SUPT3H: variants seen among roughly 807,000 people sequenced by gnomAD.
The protein encoded by SUPT3H is SPT3 homolog, SAGA and STAGA complex component.
Under a neutral mutation model 44.3 loss-of-function variants are expected in SUPT3H, and 44 were observed. The observed-to-expected ratio is 0.99, with a 90% CI of 0.78 to 1.28. SUPT3H has a LOEUF of 1.28. Among genes scored for constraint, SUPT3H ranks in the 50% most tolerant of loss-of-function variants. The pLI, the probability that SUPT3H is intolerant of heterozygous loss-of-function variation, is 0.00. For synonymous variants in SUPT3H, 124 were observed against 125.6 expected, an observed-to-expected ratio of 0.99 and a Z score of 0.09; for missense variants, 380 against 387.1, an observed-to-expected ratio of 0.98 and a Z score of 0.15.
At chr6:45,351,957 TTC>T (rs1581813364) in intron 2 of SUPT3H, among the ~76,000 whole-genome samples, 1 of 152,092 alleles carries the variant, frequency 6.6e-6, no homozygotes, top group Non-Finnish European at 1.5e-5. Flanking sequence ...CTAATTAGCT[TTC>T]TGTCCCTAAT....
intron 2 of SUPT3H, among the ~76,000 whole-genome samples, chr6:45,272,822 CAG>C (rs1171295658): frequency 3.3e-5 from 5 of 152,118 alleles, no homozygotes; most frequent in African/African-American, 7.2e-5. Flanking sequence ...TTTGGCCCTC[CAG>C]AAAGTCAACA....
intron 2 of SUPT3H, among the ~76,000 whole-genome samples, chr6:45,333,403 C>T (rs1156460856): frequency 6.6e-6 from 1 of 151,496 alleles, no homozygotes; most frequent in Non-Finnish European, 1.5e-5. Context: ...AGATTAAATG[C>T]TCTTTTACTG....
In SUPT3H at chr6:44,928,885, A is replaced by AAT. The variant is rs1424280912; in HGVS notation, c.912+3767_912+3768insAT. Among the ~76,000 whole-genome samples, 29 of 120,674 alleles carry AAT rather than the reference A, an allele frequency of 2.4e-4. 1 individual carries two copies. Among genetic ancestry groups the AAT allele is most frequent in the Admixed American group, 4.1e-4 (5 of 12,228 alleles). 79.2% of individuals were successfully genotyped at this position (120,674 alleles called of 152,430 possible). On this transcript the variant is annotated intron_variant, in intron 10 of 10. Transcript: ENST00000371459. ...GCGACAGAACGAGACTCCGTCTCAAAAAAAAAAAAAAAAAAAAAAGAAAAG... is the reference window on the plus strand; with the variant it reads ...GCGACAGAACGAGACTCCGTCTCAAAATAAAAAAAAAAAAAAAAAAAGAAAAG...
chr6:44,972,770 A>C (rs1239501297), intron 6 of SUPT3H, among the ~76,000 whole-genome samples: 1 of 152,078 alleles, frequency 6.6e-6, no homozygotes, highest in African/African-American at 2.4e-5. Flanking sequence ...CAGACTCAAC[A>C]CCATGTGGAA....
intron 3 of SUPT3H, among the ~76,000 whole-genome samples, chr6:45,063,366 C>T (rs1490249149): frequency 1.3e-5 from 2 of 151,390 alleles, no homozygotes; most frequent in East Asian, 3.9e-4. Context: ...GGGGAAAAAA[C>T]AGAACAGAAA....
At chr6:45,306,569 C>A (rs1174466561) in intron 2 of SUPT3H, among the ~76,000 whole-genome samples, 10 of 152,100 alleles carry the variant, frequency 6.6e-5, no homozygotes, top group Admixed American at 6.6e-4. Flanking sequence ...GGTGACTACT[C>A]CACCAAATGC....
rs1793284707 is a variant in SUPT3H, at chr6:45,066,232, C to T, written c.186+39690G>A. 2.0e-5 allele frequency among the ~76,000 whole-genome samples: 3 copies of T among 151,932 alleles called. No homozygotes were observed. In the South Asian group the frequency reaches 6.2e-4, roughly 32 times the overall value. The stretch of plus-strand genomic sequence containing the variant: ...AACCACATGATTATCTCAATAGGTG[C>T]AGAAAAAGCCTTTGACAAAATTCAA... On this transcript the variant is annotated intron_variant, in intron 3 of 10. Transcript: ENST00000371459.
At chr6:45,022,960 C>G (rs899225065) in intron 3 of SUPT3H, among the ~76,000 whole-genome samples, 1 of 152,008 alleles carries the variant, frequency 6.6e-6, no homozygotes, top group African/African-American at 2.4e-5. Flanking sequence ...CCATGCAGTT[C>G]AAGCCCAAGT....
At chr6:44,910,079 C>T (rs751931196) in intron 10 of SUPT3H, among the ~76,000 whole-genome samples, 14 of 152,184 alleles carry the variant, frequency 9.2e-5, no homozygotes, top group Non-Finnish European at 2.1e-4. Flanking sequence ...GAACCCACTT[C>T]CCTTGCTCCA....
intron 2 of SUPT3H, among the ~76,000 whole-genome samples, chr6:45,255,250 G>A (rs572109200): frequency 2.4e-4 from 37 of 152,080 alleles, no homozygotes; most frequent in South Asian, 8.3e-4. Flanking sequence ...TATATTCCCC[G>A]GATAATGGGG....
chr6:45,170,551 C>G (rs1810602884), intron 2 of SUPT3H, among the ~76,000 whole-genome samples: 4 of 152,220 alleles, frequency 2.6e-5, no homozygotes, highest in Admixed American at 2.6e-4. Flanking sequence ...TAAAGCCCAT[C>G]TGTGTAGTTT....
intron 6 of SUPT3H, among the ~76,000 whole-genome samples, chr6:44,991,284 C>T (rs917718394): frequency 2.0e-5 from 3 of 151,962 alleles, no homozygotes; most frequent in African/African-American, 7.2e-5. Context: ...AAACACTGCC[C>T]TTTGTAACTG....
chr6:45,254,983 C>T (rs890230007), intron 2 of SUPT3H, among the ~76,000 whole-genome samples: 7 of 152,174 alleles, frequency 4.6e-5, no homozygotes, highest in Admixed American at 4.6e-4. Flanking sequence ...TATAGTTTAT[C>T]AGATCAATTT....
intron 11 of SUPT3H, among the ~76,000 whole-genome samples, chr6:44,818,152 A>T (rs192934261): frequency 0.015 from 2,262 of 152,272 alleles, 46 homozygotes; most frequent in South Asian, 0.11. Flanking sequence ...AGCAATATTT[A>T]TATGGTCAAT....
At chr6:45,285,418 C>CA (rs1225391033) in intron 2 of SUPT3H, among the ~76,000 whole-genome samples, 19 of 152,118 alleles carry the variant, frequency 1.2e-4, no homozygotes, top group Admixed American at 1.2e-3. Context: ...AATCAATGTG[C>CA]AAAAATCACA....
Position 45,105,410 on chromosome 6 carries a change from T to G in SUPT3H, c.186+512A>C, listed in dbSNP as rs752818. On this transcript the variant is annotated intron_variant, in intron 3 of 10. Transcript: ENST00000371459. ...GCAATAAAGTGAGTCAGACAAATTT[T>G]TTTTAAATTTTTTAACTTTTAATTT... Among the ~76,000 whole-genome samples the G allele has an allele frequency of 1.9e-4, 29 of 152,286 alleles. No individual in the cohort carries two copies. In the South Asian group the frequency reaches 5.8e-3, roughly 30 times the overall value.
chr6:45,273,302 C>G (rs886635251), intron 2 of SUPT3H, among the ~76,000 whole-genome samples: 2 of 152,112 alleles, frequency 1.3e-5, no homozygotes, highest in South Asian at 4.2e-4. Flanking sequence ...TCGCCTCATC[C>G]CTTCATGAAA....
chr6:45,173,780 CTTT>C (rs1044287168), intron 2 of SUPT3H, among the ~76,000 whole-genome samples: 2 of 152,254 alleles, frequency 1.3e-5, no homozygotes, highest in African/African-American at 4.8e-5. Flanking sequence ...ATTAACACTT[CTTT>C]AAGTCATGCC....
At chr6:45,264,834 A>T (rs1774990577) in intron 2 of SUPT3H, among the ~76,000 whole-genome samples, 1 of 152,142 alleles carries the variant, frequency 6.6e-6, no homozygotes, top group Admixed American at 6.6e-5. Context: ...ACAAATGAAG[A>T]CAAGTAGGGA....
Sources: allele counts gnomAD v4.1 joint callset (sites outside exome capture counted in the v4.1 genomes callset), GRCh38; gene constraint gnomAD v4.1.1; transcripts MANE v1.5; gene names NCBI Gene and HGNC (gene_info 2026-07-23, HGNC 2026-07-21).